Variants in ENTREP2 observed in about 807,000 individuals in gnomAD.
The protein encoded by ENTREP2 is endosomal transmembrane epsin interactor 2, also known as protein ENTREP2.
chr15:29,282,342 GACTGTGGGGCCTCCCCAGCCACGTGAA>G, the ENTREP2 span, among the ~76,000 whole-genome samples: 1 of 152,182 alleles, frequency 6.6e-6, no homozygotes, highest in Non-Finnish European at 1.5e-5. Context: ...CTTCTGCCAT[GACTGTGGGGCCTCCCCAGCCACGTGAA>G]ACTGTGAGTC....
At chr15:29,269,844 G>T in the ENTREP2 span, 1 of 843,482 alleles carries the variant, frequency 1.2e-6, no homozygotes, top group Non-Finnish European at 1.7e-6. Context: ...CATGAAGCCT[G>T]CGCCTTGCGT....
the ENTREP2 span, among the ~76,000 whole-genome samples, chr15:29,470,203 C>T: frequency 6.6e-6 from 1 of 152,218 alleles, no homozygotes; most frequent in Non-Finnish European, 1.5e-5. Flanking sequence ...AGCAAAGCCA[C>T]TCAAGATTGG....
At chr15:29,594,701 G>A in the ENTREP2 span, among the ~76,000 whole-genome samples, 8 of 152,108 alleles carry the variant, frequency 5.3e-5, no homozygotes, top group African/African-American at 1.4e-4. Flanking sequence ...AGTAGCTCAC[G>A]CCTGTAATCC....
At chr15:29,644,268 G>T in the ENTREP2 span, among the ~76,000 whole-genome samples, 1 of 152,172 alleles carries the variant, frequency 6.6e-6, no homozygotes, top group Non-Finnish European at 1.5e-5. Flanking sequence ...ATTACCGGTT[G>T]CCAAGGGCTG....
At chr15:29,616,472 T>A in the ENTREP2 span, among the ~76,000 whole-genome samples, 1 of 152,022 alleles carries the variant, frequency 6.6e-6, no homozygotes, top group Non-Finnish European at 1.5e-5. Context: ...ACTCACAGAG[T>A]GTCTCTTTAG....
At chr15:29,298,860 T>C in the ENTREP2 span, among the ~76,000 whole-genome samples, 6 of 151,598 alleles carry the variant, frequency 4.0e-5, no homozygotes, top group African/African-American at 1.2e-4. Context: ...CTGTGTTTTC[T>C]AAAGGCAGCA....
chr15:29,348,670 T>A, the ENTREP2 span, among the ~76,000 whole-genome samples: 1 of 152,158 alleles, frequency 6.6e-6, no homozygotes. Flanking sequence ...TTCTGCAATG[T>A]GACCCGCGAT....
At chr15:29,403,801 G>A in the ENTREP2 span, among the ~76,000 whole-genome samples, 7 of 152,240 alleles carry the variant, frequency 4.6e-5, no homozygotes, top group South Asian at 6.2e-4. Flanking sequence ...CTCCCTTCTC[G>A]GAATTCTTGC....
At chr15:29,555,566 G>A in the ENTREP2 span, among the ~76,000 whole-genome samples, 1 of 152,152 alleles carries the variant, frequency 6.6e-6, no homozygotes. Context: ...CCACCATGAC[G>A]AGCAGCACTC....
At chr15:29,485,886 A>C in the ENTREP2 span, among the ~76,000 whole-genome samples, 3 of 152,212 alleles carry the variant, frequency 2.0e-5, no homozygotes, top group Non-Finnish European at 4.4e-5. Flanking sequence ...GAGGATGGAA[A>C]GGGAACTCTT....
the ENTREP2 span, among the ~76,000 whole-genome samples, chr15:29,600,512 G>A: frequency 3.3e-5 from 5 of 152,000 alleles, no homozygotes; most frequent in African/African-American, 1.2e-4. Context: ...ATGTGATGAT[G>A]ATGATCTCTC....
At chr15:29,206,513 G>A in the ENTREP2 span, among the ~76,000 whole-genome samples, 17 of 152,114 alleles carry the variant, frequency 1.1e-4, no homozygotes, top group African/African-American at 3.6e-4. Context: ...GGACCCTGAT[G>A]ACATTATGCT....
chr15:29,192,980 C>T, the ENTREP2 span, among the ~76,000 whole-genome samples: 1 of 152,168 alleles, frequency 6.6e-6, no homozygotes, highest in African/African-American at 2.4e-5. Flanking sequence ...ACTTCTACAA[C>T]CTGATAATAA....
the ENTREP2 span, chr15:29,124,868 GGAGAA>G: frequency 2.0e-6 from 2 of 997,014 alleles, no homozygotes; most frequent in Non-Finnish European, 3.0e-6. Context: ...CGAGCAAGCA[GGAGAA>G]GCCTGCTGAG....
At chr15:29,268,960 T>C in the ENTREP2 span, 1 of 1,614,226 alleles carries the variant, frequency 6.2e-7, no homozygotes, top group African/African-American at 1.3e-5. Context: ...CGGGCCCCAC[T>C]GGAATTCGTA....
chr15:29,388,325 T>G, the ENTREP2 span, among the ~76,000 whole-genome samples: 195 of 152,310 alleles, frequency 1.3e-3, no homozygotes, highest in Middle Eastern at 3.4e-3. Context: ...GAACAGACAC[T>G]TCTCAAAAGA....
chr15:29,430,856 G>A, the ENTREP2 span, among the ~76,000 whole-genome samples: 17,509 of 152,154 alleles, frequency 0.12, 1,165 homozygotes, highest in East Asian at 0.31. Flanking sequence ...TAAGGAGAGA[G>A]AGGCAGTGTC....
the ENTREP2 span, among the ~76,000 whole-genome samples, chr15:29,341,165 C>T: frequency 6.6e-6 from 1 of 152,222 alleles, no homozygotes; most frequent in Non-Finnish European, 1.5e-5. Flanking sequence ...ATGTCCTGCC[C>T]ATCACACCTT....
At chr15:29,234,954 T>C in the ENTREP2 span, 6 of 1,523,096 alleles carry the variant, frequency 3.9e-6, no homozygotes, top group Non-Finnish European at 5.5e-6. Context: ...TATTCTCCAG[T>C]GTCATTCCAA....
Sources: gnomAD v4.1 joint callset for allele counts (sites outside exome capture counted in the v4.1 genomes callset) on GRCh38, gnomAD v4.1.1 for gene constraint, MANE v1.5 for transcripts, NCBI Gene and HGNC (gene_info 2026-07-23, HGNC 2026-07-21) for gene names.